Variants in KCTD21 observed in about 807,000 individuals in gnomAD.
The protein encoded by KCTD21 is BTB/POZ domain-containing protein KCTD21.
In KCTD21, 9 loss-of-function variants were observed where a neutral mutation model predicts 13.2. The ratio of observed to expected loss-of-function variants is 0.68; its 90% CI spans 0.41 to 1.19. The LOEUF is 1.19. KCTD21 is among the 50% of genes most tolerant of loss of function. The probability of loss-of-function intolerance (pLI) is 0.01; values close to 1 mark genes in which losing one functional copy is unlikely to be tolerated. For synonymous variants in KCTD21, 142 were observed against 137.4 expected, an observed-to-expected ratio of 1.03 and a Z score of -0.23; for missense variants, 303 against 336.5, an observed-to-expected ratio of 0.90 and a Z score of 0.78.
In KCTD21 at chr11:78,186,369, C is replaced by A. The variant is rs555997646; in HGVS notation, c.-30+2204G>T. On this transcript the variant is annotated intron_variant, in intron 1 of 1. Transcript: ENST00000340067. ...CTTGGGCAACAGAGTAAGACCCTGT[C>A]TCAAAAAAAAAAAAAAAAAAAAAAA... Among the ~76,000 whole-genome samples the A allele has an allele frequency of 2.5e-3, 111 of 44,596 alleles. 1 individual carries two copies. Among genetic ancestry groups the A allele is most frequent in the African/African-American group, 9.8e-3 (111 of 11,350 alleles). 29.3% of individuals were successfully genotyped at this position (44,596 alleles called of 152,430 possible).
At chr11:78,184,977 ATCTG>A (rs1862728350) in intron 1 of KCTD21, among the ~76,000 whole-genome samples, 2 of 152,154 alleles carry the variant, frequency 1.3e-5, no homozygotes, top group African/African-American at 2.4e-5. Flanking sequence ...GGCTCAAGCA[ATCTG>A]TCTGCCTTTG....
intron 1 of KCTD21, chr11:78,187,522 AC>A (rs780413255): frequency 2.1e-5 from 21 of 985,206 alleles, no homozygotes; most frequent in Non-Finnish European, 2.4e-5. Context: ...ACCTCCAACA[AC>A]CACTACCATC....
intron 1 of KCTD21, among the ~76,000 whole-genome samples, chr11:78,178,836 C>A (rs1477266270): frequency 6.6e-6 from 1 of 152,128 alleles, no homozygotes. Flanking sequence ...TAAAGCTGAA[C>A]CAAGAGGAAA....
At chr11:78,188,531 G>A in intron 1 of KCTD21, 42 bp downstream of exon 1, 1 of 985,442 alleles carries the variant, frequency 1.0e-6, no homozygotes, top group South Asian at 4.7e-5. Context: ...TACCCTCGCC[G>A]GTAGTCCCCG....
At chr11:78,177,824 G>A (rs1443880536) in intron 1 of KCTD21, 1 of 152,260 alleles carries the variant, frequency 6.6e-6, no homozygotes, top group East Asian at 1.9e-4. Context: ...ATGCATTACT[G>A]CTGAAGTGCT....
intron 1 of KCTD21, chr11:78,177,948 C>T (rs1320332001): frequency 6.6e-6 from 1 of 152,164 alleles, no homozygotes; most frequent in Non-Finnish European, 1.5e-5. Context: ...ACCTGCTTTC[C>T]TGCGCCCCCG....
intron 1 of KCTD21, among the ~76,000 whole-genome samples, chr11:78,179,104 C>T (rs954234544): frequency 5.9e-5 from 9 of 152,184 alleles, no homozygotes; most frequent in African/African-American, 1.7e-4. Context: ...GAGTTCCTTG[C>T]TCCGGCCCAC....
At chr11:78,188,517 C>T (rs1862887621) in intron 1 of KCTD21, 56 bp downstream of exon 1, 1 of 985,290 alleles carries the variant, frequency 1.0e-6, no homozygotes, top group Admixed American at 6.1e-5. Flanking sequence ...TCAGTGGGCC[C>T]ACGTACCCTC....
At chr11:78,186,680 C>G in intron 1 of KCTD21, 4 of 985,236 alleles carry the variant, frequency 4.1e-6, no homozygotes, top group Non-Finnish European at 4.8e-6. Flanking sequence ...TATATACCTA[C>G]TTTACAGACC....
At chr11:78,186,129 C>G (rs1254953646) in intron 1 of KCTD21, among the ~76,000 whole-genome samples, 1 of 151,508 alleles carries the variant, frequency 6.6e-6, no homozygotes, top group African/African-American at 2.4e-5. Flanking sequence ...GTAATCCCAG[C>G]ACTTGGAAGG....
In KCTD21 at chr11:78,173,769, C is replaced by A. The variant is rs752867312; in HGVS notation, c.*3G>T. The A allele has an allele frequency of 1.2e-6, 2 of 1,602,268 alleles. No individual in the cohort carries two copies. The highest frequency in any genetic ancestry group is 1.1e-5 in the South Asian group (1 of 89,750). Reference sequence around the variant, plus strand: ...CCCCATCTCCAGTGTTGTTGGGGTCCTTTTACCTGTACCGTATTAATCGAA... The same window carrying A: ...CCCCATCTCCAGTGTTGTTGGGGTCATTTTACCTGTACCGTATTAATCGAA... On this transcript the variant is annotated 3_prime_UTR_variant, in exon 2 of 2. Transcript: ENST00000340067.
intron 1 of KCTD21, among the ~76,000 whole-genome samples, chr11:78,184,842 C>G (rs1302905753): frequency 1.3e-5 from 2 of 151,988 alleles, no homozygotes; most frequent in East Asian, 3.9e-4. Context: ...CTTGACATCC[C>G]CAGGCTCAGG....
At chr11:78,183,172 C>G (rs1207159064) in intron 1 of KCTD21, among the ~76,000 whole-genome samples, 21 of 152,150 alleles carry the variant, frequency 1.4e-4, no homozygotes. Context: ...ACTGATGATT[C>G]CTGGACTTTC....
At chr11:78,187,162 G>A in intron 1 of KCTD21, 1 of 985,404 alleles carries the variant, frequency 1.0e-6, no homozygotes, top group East Asian at 1.1e-4. Context: ...ACAATGCTCA[G>A]AGTGAGTACT....
At position 78,174,148 on chromosome 11, in the gene KCTD21, A is replaced by AGGCT; in HGVS notation, c.403_406dup (p.Leu136GlnfsTer28). ...GAAGACCTCCATGCTGGAAGAGGAG[A>AGGCT]GGCTGTAGATCTGGGGTGCCTCGCG... On this transcript the variant is annotated frameshift_variant, in exon 2 of 2. Transcript: ENST00000340067. LOFTEE classifies it high-confidence loss of function. 1 of 1,614,062 alleles carries AGGCT rather than the reference A, an allele frequency of 6.2e-7. No homozygotes were observed. Among genetic ancestry groups the AGGCT allele is most frequent in the East Asian group, 2.2e-5 (1 of 44,876 alleles).
intron 1 of KCTD21, chr11:78,176,164 T>G (rs1275146962): frequency 6.6e-6 from 1 of 152,348 alleles, no homozygotes; most frequent in South Asian, 2.1e-4. Context: ...GTTCCAAGTC[T>G]TTGCTACTGT....
intron 1 of KCTD21, among the ~76,000 whole-genome samples, chr11:78,180,375 A>AT (rs1862579154): frequency 6.6e-6 from 1 of 152,390 alleles, no homozygotes; most frequent in South Asian, 2.1e-4. Flanking sequence ...TAAAAAACAC[A>AT]TAAAGCTGGG....
Position 78,174,081 on chromosome 11 carries a change from G to A in KCTD21, c.474C>T (p.Leu158=), listed in dbSNP as rs747664165. 4.3e-6 allele frequency: 7 copies of A among 1,614,172 alleles called. No individual in the cohort carries two copies. In the Admixed American group the frequency reaches 1.0e-4, roughly 23 times the overall value. ...AGCAGTAGAAGAGCTTAGAGCCAAG[G>A]AGCTTGAGGAAGAGGCAGGAGGTGC... ...IFSTSCLFLK[L]LGSKLFYCSN... Residue 158 remains leucine (L), a synonymous_variant, in exon 2 of 2, where the codon CTC becomes CTT. Transcript: ENST00000340067.
chr11:78,183,317 C>T (rs1862682522), intron 1 of KCTD21, among the ~76,000 whole-genome samples: 1 of 152,084 alleles, frequency 6.6e-6, no homozygotes, highest in South Asian at 2.1e-4. Flanking sequence ...GGGCGGATCA[C>T]CTGAGGTCTG....
Sources: allele counts gnomAD v4.1 joint callset (sites outside exome capture counted in the v4.1 genomes callset), GRCh38; gene constraint gnomAD v4.1.1; transcripts MANE v1.5; gene names NCBI Gene and HGNC (gene_info 2026-07-23, HGNC 2026-07-21).